RGS7: variants seen among roughly 807,000 people sequenced by gnomAD.
The protein encoded by RGS7 is regulator of G-protein signaling 7.
A neutral mutation model predicts 81.1 loss-of-function variants in RGS7; 27 were observed. The observed-to-expected ratio is 0.33, with a 90% CI of 0.25 to 0.46. RGS7 has a LOEUF of 0.46. Among genes scored for constraint, RGS7 ranks in the 20% least tolerant of loss-of-function variants. The probability of loss-of-function intolerance (pLI) is 1.00; values close to 1 mark genes in which losing one functional copy is unlikely to be tolerated. For synonymous variants in RGS7, 208 were observed against 207.7 expected, an observed-to-expected ratio of 1.00 and a Z score of -0.01; for missense variants, 396 against 607.4, an observed-to-expected ratio of 0.65 and a Z score of 3.66.
intron 3 of RGS7, among the ~76,000 whole-genome samples, chr1:241,050,062 C>T (rs999276046): frequency 9.9e-5 from 15 of 152,194 alleles, no homozygotes; most frequent in African/African-American, 3.6e-4. Context: ...AAAAGTTCTA[C>T]ATAGCTAAGG....
chr1:241,218,555 G>T (rs1320802330), intron 2 of RGS7, among the ~76,000 whole-genome samples: 1 of 152,250 alleles, frequency 6.6e-6, no homozygotes, highest in African/African-American at 2.4e-5. Context: ...TAGAGGGGCT[G>T]TTGAAACAGA....
At chr1:240,883,767 G>T (rs1666837577) in intron 6 of RGS7, among the ~76,000 whole-genome samples, 1 of 152,056 alleles carries the variant, frequency 6.6e-6, no homozygotes, top group Non-Finnish European at 1.5e-5. Flanking sequence ...TATGCTTTTG[G>T]TTGACAATCT....
At chr1:241,335,677 A>G (rs546002439) in intron 2 of RGS7, among the ~76,000 whole-genome samples, 24 of 149,802 alleles carry the variant, frequency 1.6e-4, no homozygotes, top group South Asian at 8.3e-4. Context: ...AAAGAGCTCA[A>G]AAGATTTTAA....
intron 3 of RGS7, among the ~76,000 whole-genome samples, chr1:240,995,476 T>C (rs1158599033): frequency 6.6e-6 from 1 of 152,196 alleles, no homozygotes; most frequent in Non-Finnish European, 1.5e-5. Context: ...TTTTTAGAGA[T>C]TTCTAAATTA....
intron 9 of RGS7, among the ~76,000 whole-genome samples, chr1:240,854,749 C>T (rs561130069): frequency 1.3e-5 from 2 of 152,336 alleles, no homozygotes; most frequent in South Asian, 4.1e-4. Context: ...CAGCATCTAA[C>T]TTCTCTGCCT....
intron 2 of RGS7, among the ~76,000 whole-genome samples, chr1:241,132,723 T>G (rs2067193563): frequency 6.6e-6 from 1 of 151,358 alleles, no homozygotes; most frequent in South Asian, 2.1e-4. Context: ...TTAAGGTCTG[T>G]CAATAATTCA....
At chr1:240,801,287 G>A (rs933952109) in intron 17 of RGS7, among the ~76,000 whole-genome samples, 168 bp downstream of exon 17, 5 of 152,080 alleles carry the variant, frequency 3.3e-5, no homozygotes, top group Non-Finnish European at 7.4e-5. Flanking sequence ...TTTGGAAAGG[G>A]ATGGGACAGA....
At chr1:241,248,537 C>T (rs1270652904) in intron 2 of RGS7, among the ~76,000 whole-genome samples, 2 of 151,810 alleles carry the variant, frequency 1.3e-5, no homozygotes, top group Non-Finnish European at 2.9e-5. Context: ...TAATATTTGG[C>T]ATCTCTGATC....
At chr1:241,065,928 G>A (rs554253796) in intron 3 of RGS7, among the ~76,000 whole-genome samples, 1 of 152,214 alleles carries the variant, frequency 6.6e-6, no homozygotes, top group African/African-American at 2.4e-5. Flanking sequence ...ACAATACCTG[G>A]CATTTGGCAT....
intron 2 of RGS7, among the ~76,000 whole-genome samples, chr1:241,176,626 T>A (rs1366120240): frequency 6.6e-6 from 1 of 152,178 alleles, no homozygotes; most frequent in Non-Finnish European, 1.5e-5. Flanking sequence ...CTTATATTTT[T>A]ACATAAAGAT....
At chr1:240,859,102 T>A (rs1389486863) in intron 9 of RGS7, among the ~76,000 whole-genome samples, 3 of 152,216 alleles carry the variant, frequency 2.0e-5, no homozygotes, top group Non-Finnish European at 4.4e-5. Context: ...AGTGAACCCA[T>A]CTGGGCTGGT....
intron 2 of RGS7, among the ~76,000 whole-genome samples, chr1:241,297,717 C>T (rs1187028740): frequency 1.3e-5 from 2 of 152,098 alleles, no homozygotes; most frequent in African/African-American, 2.4e-5. Flanking sequence ...GTTTATAAAC[C>T]CTCAAGTCTC....
intron 2 of RGS7, among the ~76,000 whole-genome samples, chr1:241,296,896 G>A (rs1198810777): frequency 6.6e-6 from 1 of 151,538 alleles, no homozygotes; most frequent in African/African-American, 2.4e-5. Flanking sequence ...AAAATAAATG[G>A]TTATCAAGTC....
At chr1:241,006,045 T>G (rs1286904934) in intron 3 of RGS7, among the ~76,000 whole-genome samples, 1 of 152,208 alleles carries the variant, frequency 6.6e-6, no homozygotes, top group African/African-American at 2.4e-5. Flanking sequence ...TTTTCGTTTA[T>G]TTTGGTAAAT....
intron 9 of RGS7, among the ~76,000 whole-genome samples, chr1:240,829,674 G>C (rs1693479056): frequency 6.6e-6 from 1 of 152,142 alleles, no homozygotes; most frequent in African/African-American, 2.4e-5. Flanking sequence ...GCTTATGCCT[G>C]TAATCTCAGC....
chr1:241,318,549 T>TG (rs2081023429), intron 2 of RGS7, among the ~76,000 whole-genome samples: 1 of 152,002 alleles, frequency 6.6e-6, no homozygotes. Context: ...CTCTGCCTCC[T>TG]GGGTTCAAGC....
At chr1:240,833,999 C>G (rs1694274727) in intron 9 of RGS7, among the ~76,000 whole-genome samples, 1 of 152,178 alleles carries the variant, frequency 6.6e-6, no homozygotes, top group Non-Finnish European at 1.5e-5. Flanking sequence ...GTTGCCCAGG[C>G]TGGTCTCCAA....
intron 2 of RGS7, among the ~76,000 whole-genome samples, chr1:241,112,858 T>C (rs2065624427): frequency 6.6e-6 from 1 of 152,216 alleles, no homozygotes; most frequent in Non-Finnish European, 1.5e-5. Flanking sequence ...TGTCGATCTT[T>C]CTAACCCACC....
chr1:240,874,852 C>T lies in RGS7; in HGVS notation c.386-4733G>A, dbSNP rs1359911360. On this transcript the variant is annotated intron_variant, in intron 6 of 18. Coordinates refer to ENST00000440928, the MANE Select transcript of RGS7 (RefSeq NM_001364886.1). ...GCTCAGGAGCTCGAGACCAACCTGGCCAATATGGTGAAACCCTATCTCTAC... is the reference window on the plus strand; with the variant it reads ...GCTCAGGAGCTCGAGACCAACCTGGTCAATATGGTGAAACCCTATCTCTAC... Among the ~76,000 whole-genome samples the T allele has an allele frequency of 2.0e-5, 3 of 151,978 alleles. No homozygotes were observed. In the East Asian group the frequency reaches 5.8e-4, roughly 29 times the overall value.
Sources: gnomAD v4.1 joint callset for allele counts (sites outside exome capture counted in the v4.1 genomes callset) on GRCh38, gnomAD v4.1.1 for gene constraint, MANE v1.5 for transcripts, NCBI Gene and HGNC (gene_info 2026-07-23, HGNC 2026-07-21) for gene names.